PDE3B: variants seen among roughly 807,000 people sequenced by gnomAD.
PDE3B encodes cGMP-inhibited 3',5'-cyclic phosphodiesterase 3B.
In PDE3B, 66 loss-of-function variants were observed where a neutral mutation model predicts 116.8. The ratio of observed to expected loss-of-function variants is 0.56; its 90% confidence interval spans 0.46 to 0.69. The LOEUF (loss-of-function observed/expected upper bound fraction) is 0.69, where lower values mean the gene tolerates loss of function less well. Among genes scored for constraint, PDE3B ranks in the 30% least tolerant of loss-of-function variants. The pLI, the probability that PDE3B is intolerant of heterozygous loss-of-function variation, is 0.00. For synonymous variants in PDE3B, 595 were observed against 533.6 expected, an observed-to-expected ratio of 1.12 and a Z score of -1.59; for missense variants, 1,384 against 1,368.1, an observed-to-expected ratio of 1.01 and a Z score of -0.18.
chr11:14,690,324 T>G (rs567711007), intron 1 of PDE3B, among the ~76,000 whole-genome samples: 1 of 152,236 alleles, frequency 6.6e-6, no homozygotes, highest in East Asian at 1.9e-4. Context: ...AGTAGTAGTT[T>G]GTGAACAGTT....
chr11:14,791,384 T>C (rs1441347324), intron 4 of PDE3B, among the ~76,000 whole-genome samples: 2 of 152,096 alleles, frequency 1.3e-5, no homozygotes, highest in African/African-American at 4.8e-5. Flanking sequence ...ACCAGGTTTC[T>C]CATCATTCCA....
chr11:14,835,228 T>A, intron 11 of PDE3B, 133 bp downstream of exon 11: 2 of 550,196 alleles, frequency 3.6e-6, no homozygotes, highest in East Asian at 6.0e-5. Flanking sequence ...TGTGTACGTT[T>A]TTTTAACCAC....
chr11:14,693,956 G>A (rs953329694), intron 1 of PDE3B, among the ~76,000 whole-genome samples: 2 of 152,142 alleles, frequency 1.3e-5, no homozygotes, highest in African/African-American at 4.8e-5. Context: ...CATGGGAGGA[G>A]ATCAGAATAT....
At chr11:14,667,322 A>T (rs1346679583) in intron 1 of PDE3B, among the ~76,000 whole-genome samples, 3 of 151,508 alleles carry the variant, frequency 2.0e-5, no homozygotes, top group African/African-American at 7.3e-5. Context: ...ATTAGGAGAT[A>T]CACCTAATGC....
intron 10 of PDE3B, among the ~76,000 whole-genome samples, chr11:14,833,716 G>T (rs1362923256): frequency 6.6e-6 from 1 of 152,074 alleles, no homozygotes; most frequent in East Asian, 1.9e-4. Context: ...ACACATTTTT[G>T]AGAAATTAAT....
chr11:14,672,613 A>G (rs1204880160), intron 1 of PDE3B, among the ~76,000 whole-genome samples: 2 of 152,156 alleles, frequency 1.3e-5, no homozygotes, highest in Admixed American at 6.6e-5. Flanking sequence ...AACAGGTCAC[A>G]CATTCAGGCT....
Position 14,853,382 on chromosome 11 carries a change from G to C in PDE3B, c.2521-5661G>C, listed in dbSNP as rs560607318. Among the ~76,000 whole-genome samples, 25 of 152,254 alleles carry C rather than the reference G, an allele frequency of 1.6e-4. 1 individual carries two copies. The South Asian group carries it at 5.2e-3, about 32-fold the overall frequency. ...GTGCTTGACATACAAAAAGCATTTAGTAAATATTTGTTGAATGTTGAAGGA... is the reference window on the plus strand; with the variant it reads ...GTGCTTGACATACAAAAAGCATTTACTAAATATTTGTTGAATGTTGAAGGA... On this transcript the variant is annotated intron_variant, in intron 12 of 15. Transcript: ENST00000282096.
At position 14,665,424 on chromosome 11, in the gene PDE3B, T is replaced by C. The variant is rs571527434; in HGVS notation, c.978+20371T>C. ...TGTTGGAAGTTCTAGCCAGGGCAAT[T>C]AGGCAGGAGAAGGAAATAAAGGGTA... On this transcript the variant is annotated intron_variant, in intron 1 of 15. Coordinates refer to ENST00000282096, the MANE Select transcript of PDE3B (RefSeq NM_000922.4). Among the ~76,000 whole-genome samples, 9 of 152,240 alleles carry C rather than the reference T, an allele frequency of 5.9e-5. No homozygotes were observed. The South Asian group carries it at 1.2e-3, about 21-fold the overall frequency.
chr11:14,722,037 G>T (rs1487854775), intron 1 of PDE3B, among the ~76,000 whole-genome samples: 1 of 150,768 alleles, frequency 6.6e-6, no homozygotes, highest in Non-Finnish European at 1.5e-5. Flanking sequence ...CTGGAAACCA[G>T]TCTCAGCAAA....
chr11:14,651,992 T>A (rs1277927244), intron 1 of PDE3B, among the ~76,000 whole-genome samples: 1 of 152,206 alleles, frequency 6.6e-6, no homozygotes, highest in Non-Finnish European at 1.5e-5. Context: ...CTTTTTCTTT[T>A]GTTGCCTATG....
chr11:14,650,303 A>C (rs1417199732), intron 1 of PDE3B, among the ~76,000 whole-genome samples: 1 of 151,298 alleles, frequency 6.6e-6, no homozygotes, highest in African/African-American at 2.4e-5. Flanking sequence ...TTGCAGGCTC[A>C]AGTAATCCTC....
chr11:14,757,042 A>G (rs1477118045), intron 1 of PDE3B, among the ~76,000 whole-genome samples: 1 of 148,246 alleles, frequency 6.7e-6, no homozygotes. Context: ...TATGAGTGAG[A>G]ATATGTGGTG....
chr11:14,690,142 C>T (rs1855003742), intron 1 of PDE3B, among the ~76,000 whole-genome samples: 1 of 152,042 alleles, frequency 6.6e-6, no homozygotes, highest in Admixed American at 6.6e-5. Flanking sequence ...ATGGACGTGT[C>T]CTATAATGCA....
At chr11:14,803,647 G>C (rs1414123306) in intron 4 of PDE3B, among the ~76,000 whole-genome samples, 2 of 152,086 alleles carry the variant, frequency 1.3e-5, no homozygotes, top group Non-Finnish European at 2.9e-5. Flanking sequence ...CTGTTTTTTT[G>C]TAAGTAAAAT....
At chr11:14,825,467 C>T (rs1266117131) in intron 7 of PDE3B, among the ~76,000 whole-genome samples, 4 of 152,040 alleles carry the variant, frequency 2.6e-5, no homozygotes, top group African/African-American at 9.7e-5. Context: ...AAGTGGAAAT[C>T]AGGAAAAAGC....
In PDE3B at chr11:14,821,707, T is replaced by C. The variant is rs554849602; in HGVS notation, c.1807+2498T>C. ...GTAATACTTCCAGATCATCATCTAA[T>C]CAATTAATGATTGGTATATTCATTG... is the stretch of plus-strand genomic sequence containing the variant. On this transcript the variant is annotated intron_variant, in intron 7 of 15. Coordinates refer to ENST00000282096, the MANE Select transcript of PDE3B (RefSeq NM_000922.4). Among the ~76,000 whole-genome samples the C allele has an allele frequency of 5.9e-4, 90 of 152,276 alleles. 1 individual carries two copies. The highest frequency in any genetic ancestry group is 2.2e-3 in the African/African-American group (90 of 41,560).
chr11:14,869,749 G>A lies in PDE3B; in HGVS notation c.*89G>A. The A allele has an allele frequency of 9.7e-7, 1 of 1,036,198 alleles. No individual in the cohort carries two copies. The highest frequency in any genetic ancestry group is 1.5e-5 in the South Asian group (1 of 68,026). 64.2% of individuals were successfully genotyped at this position (1,036,198 alleles called of 1,614,324 possible). A position where few individuals can be genotyped will look rare whatever the true frequency, so the allele number is the denominator to read the frequency against. On this transcript the variant is annotated 3_prime_UTR_variant, in exon 16 of 16. Transcript: ENST00000282096. ...AATCATTGCCTAGTGTTCACCGGCT[G>A]ACTCTCAACTGACCATTCCCATGTG...
At chr11:14,864,169 AAC>A in intron 14 of PDE3B, among the ~76,000 whole-genome samples, 1 of 152,350 alleles carries the variant, frequency 6.6e-6, no homozygotes, top group African/African-American at 2.4e-5. Context: ...TCTCTGATGA[AAC>A]AGACTTTAAA....
chr11:14,824,472 C>T (rs1335719014), intron 7 of PDE3B, among the ~76,000 whole-genome samples: 2 of 152,128 alleles, frequency 1.3e-5, no homozygotes, highest in African/African-American at 2.4e-5. Flanking sequence ...AGCTGAAAAA[C>T]ACACTACAAG....
Sources: allele counts gnomAD v4.1 joint callset (sites outside exome capture counted in the v4.1 genomes callset), GRCh38; gene constraint gnomAD v4.1.1; transcripts MANE v1.5; gene names NCBI Gene and HGNC (gene_info 2026-07-23, HGNC 2026-07-21).